The following C3orf70 variants were observed in gnomAD, a reference collection of about 807,000 sequenced individuals.
C3orf70 encodes the protein UPF0524 protein C3orf70.
Under a neutral mutation model 20.7 loss-of-function variants are expected in C3orf70, and 15 were observed. The ratio of observed to expected loss-of-function variants is 0.72; its 90% confidence interval spans 0.48 to 1.11. C3orf70 has a LOEUF of 1.11. Among genes scored for constraint, C3orf70 ranks in the 50% most tolerant of loss-of-function variants. The probability of loss-of-function intolerance (pLI) is 0.00; values close to 1 mark genes in which losing one functional copy is unlikely to be tolerated. For synonymous variants in C3orf70, 161 were observed against 125.7 expected, an observed-to-expected ratio of 1.28 and a Z score of -1.88; for missense variants, 332 against 317.6, an observed-to-expected ratio of 1.05 and a Z score of -0.34.
chr3:185,146,959 C>T (rs1434843527), intron 1 of C3orf70, among the ~76,000 whole-genome samples: 1 of 152,216 alleles, frequency 6.6e-6, no homozygotes, highest in Non-Finnish European at 1.5e-5. Flanking sequence ...AAATGTGTAA[C>T]CAAACATTTG....
chr3:185,116,848 G>A (rs962043303), intron 1 of C3orf70, among the ~76,000 whole-genome samples: 9 of 150,626 alleles, frequency 6.0e-5, no homozygotes, highest in African/African-American at 1.2e-4. Context: ...GCGCAATCTC[G>A]GCTCACTGCA....
chr3:185,083,796 C>A (rs1715404695), intron 1 of C3orf70, among the ~76,000 whole-genome samples: 1 of 152,156 alleles, frequency 6.6e-6, no homozygotes, highest in African/African-American at 2.4e-5. Flanking sequence ...ATATTTGTGT[C>A]TTTCTGATAT....
intron 1 of C3orf70, among the ~76,000 whole-genome samples, chr3:185,146,650 TTTG>T (rs1262582017): frequency 1.3e-5 from 2 of 152,212 alleles, no homozygotes; most frequent in African/African-American, 2.4e-5. Context: ...ACTCCTTATT[TTTG>T]TTGTTGTTGC....
chr3:185,101,451 G>A (rs567349216), intron 1 of C3orf70, among the ~76,000 whole-genome samples: 13 of 152,202 alleles, frequency 8.5e-5, no homozygotes, highest in East Asian at 7.7e-4. Flanking sequence ...ATAGATGCAC[G>A]CATTCATCCA....
intron 1 of C3orf70, among the ~76,000 whole-genome samples, chr3:185,147,754 CT>C (rs1436020182): frequency 6.6e-6 from 1 of 152,226 alleles, no homozygotes; most frequent in Non-Finnish European, 1.5e-5. Context: ...TTCTTAGCTC[CT>C]AACGCTCTGT....
intron 1 of C3orf70, among the ~76,000 whole-genome samples, chr3:185,108,700 T>C (rs1715997986): frequency 6.6e-6 from 1 of 152,252 alleles, no homozygotes; most frequent in Non-Finnish European, 1.5e-5. Flanking sequence ...AAAGCTATTA[T>C]CCAGTGATGC....
intron 1 of C3orf70, among the ~76,000 whole-genome samples, chr3:185,130,666 A>G (rs1200436615): frequency 6.6e-6 from 1 of 151,910 alleles, no homozygotes; most frequent in East Asian, 1.9e-4. Context: ...TTCTGTCTCT[A>G]CAAATTTGCT....
chr3:185,120,474 A>G (rs1407020114), intron 1 of C3orf70, among the ~76,000 whole-genome samples: 1 of 152,194 alleles, frequency 6.6e-6, no homozygotes, highest in Non-Finnish European at 1.5e-5. Flanking sequence ...TTCACAATCT[A>G]TACACCCAAC....
At chr3:185,100,015 T>C (rs1446841844) in intron 1 of C3orf70, among the ~76,000 whole-genome samples, 2 of 152,178 alleles carry the variant, frequency 1.3e-5, no homozygotes, top group Non-Finnish European at 2.9e-5. Context: ...CTATCCTAAA[T>C]GTATATGCAC....
chr3:185,128,750 C>A (rs1264966208), intron 1 of C3orf70, among the ~76,000 whole-genome samples: 1 of 152,144 alleles, frequency 6.6e-6, no homozygotes, highest in African/African-American at 2.4e-5. Context: ...ATGGGGGACC[C>A]AGCACAGGTC....
chr3:185,135,665 T>C (rs746435630), intron 1 of C3orf70, among the ~76,000 whole-genome samples: 5 of 152,188 alleles, frequency 3.3e-5, no homozygotes, highest in Admixed American at 2.0e-4. Context: ...TCCCAACATA[T>C]AGAAGTGATA....
chr3:185,122,863 T>C (rs930342560), intron 1 of C3orf70, among the ~76,000 whole-genome samples: 111 of 151,894 alleles, frequency 7.3e-4, no homozygotes, highest in African/African-American at 2.7e-3. Context: ...CATCAAAAAA[T>C]TGACTCCATG....
intron 1 of C3orf70, among the ~76,000 whole-genome samples, chr3:185,109,729 G>A (rs1354444060): frequency 6.6e-6 from 1 of 152,078 alleles, no homozygotes; most frequent in Non-Finnish European, 1.5e-5. Context: ...TGGCAATAAT[G>A]CCTGGATGTA....
At chr3:185,103,066 G>A (rs1715853702) in intron 1 of C3orf70, among the ~76,000 whole-genome samples, 1 of 152,064 alleles carries the variant, frequency 6.6e-6, no homozygotes, top group African/African-American at 2.4e-5. Flanking sequence ...CCAACATGGT[G>A]AAACCCCATC....
intron 1 of C3orf70, among the ~76,000 whole-genome samples, chr3:185,091,808 T>C (rs1164484357): frequency 2.7e-5 from 4 of 145,948 alleles, no homozygotes; most frequent in African/African-American, 7.7e-5. Context: ...CCTCAGCGTC[T>C]CAAGTAGCTG....
At chr3:185,090,457 C>G (rs193117465) in intron 1 of C3orf70, among the ~76,000 whole-genome samples, 40 of 152,118 alleles carry the variant, frequency 2.6e-4, no homozygotes, top group Middle Eastern at 3.4e-3. Flanking sequence ...TGTGTGTCCT[C>G]CTTGACACAA....
At chr3:185,135,468 T>C (rs1164091039) in intron 1 of C3orf70, among the ~76,000 whole-genome samples, 1 of 151,982 alleles carries the variant, frequency 6.6e-6, no homozygotes, top group East Asian at 1.9e-4. Context: ...TAAAAAATAA[T>C]AATACAAAAA....
intron 1 of C3orf70, among the ~76,000 whole-genome samples, chr3:185,105,619 T>C (rs1309683303): frequency 6.6e-6 from 1 of 152,232 alleles, no homozygotes; most frequent in Non-Finnish European, 1.5e-5. Flanking sequence ...GTGAGACCCC[T>C]GATTTCCCAC....
At chr3:185,089,198 T>TA (rs1286585109) in intron 1 of C3orf70, among the ~76,000 whole-genome samples, 93 of 143,590 alleles carry the variant, frequency 6.5e-4, no homozygotes, top group Non-Finnish European at 1.2e-3. Context: ...TTTTTCCTCA[T>TA]TTTTTTTTTC....
Sources: gnomAD v4.1 joint callset for allele counts (sites outside exome capture counted in the v4.1 genomes callset) on GRCh38, gnomAD v4.1.1 for gene constraint, MANE v1.5 for transcripts, NCBI Gene and HGNC (gene_info 2026-07-23, HGNC 2026-07-21) for gene names.